NRXN1: variants seen among roughly 807,000 people sequenced by gnomAD.
NRXN1 encodes the protein neurexin-1.
Under a neutral mutation model 150.9 loss-of-function variants are expected in NRXN1, and 39 were observed. The ratio of observed to expected loss-of-function variants is 0.26; its 90% CI spans 0.20 to 0.34. NRXN1 has a LOEUF of 0.34. Ranked by LOEUF, NRXN1 falls within the 10% of genes least tolerant of loss-of-function variation. The probability of loss-of-function intolerance (pLI) is 1.00; values close to 1 mark genes in which losing one functional copy is unlikely to be tolerated. For missense variants in NRXN1, 1,815 were observed against 1,949.9 expected (o/e 0.93, Z 1.30); for synonymous variants, 924 against 757.0 (o/e 1.22, Z -3.62).
intron 5 of NRXN1, among the ~76,000 whole-genome samples, chr2:50,893,342 T>TAAATATATCCTACTTAAATGTTA (rs1252547750): frequency 6.6e-6 from 1 of 152,192 alleles, no homozygotes; most frequent in Non-Finnish European, 1.5e-5. Flanking sequence ...ATTTTGTAGT[T>TAAATATATCCTACTTAAATGTTA]AAATATATCC....
In NRXN1 at chr2:50,346,141, G is replaced by A. The variant is rs1281582762; in HGVS notation, c.3365-109171C>T. Among the ~76,000 whole-genome samples, 1 of 152,214 alleles carries A rather than the reference G, an allele frequency of 6.6e-6. No individual in the cohort carries two copies. The highest frequency in any genetic ancestry group is 1.5e-5 in the Non-Finnish European group (1 of 68,040). Reference sequence around the variant, plus strand: ...GAAGGCGTGGGGGCAAAAGTAATTGGCCTCCTGTTGAGTGAGTCCCAGGAC... The same window carrying A: ...GAAGGCGTGGGGGCAAAAGTAATTGACCTCCTGTTGAGTGAGTCCCAGGAC... On this transcript the variant is annotated intron_variant, in intron 17 of 22. Coordinates refer to ENST00000401669, the MANE Select transcript of NRXN1 (RefSeq NM_001330078.2). The surrounding 1 kb of genome is among the most constrained non-coding windows in gnomAD (Gnocchi z 5.0).
intron 17 of NRXN1, among the ~76,000 whole-genome samples, chr2:50,424,449 C>G (rs2084317994): frequency 6.6e-6 from 1 of 151,886 alleles, no homozygotes; most frequent in Non-Finnish European, 1.5e-5. Flanking sequence ...TTTATGAGGA[C>G]TGGGAGACAC....
intron 18 of NRXN1, among the ~76,000 whole-genome samples, chr2:50,204,614 G>A (rs13001872): frequency 0.14 from 20,526 of 151,926 alleles, 1,482 homozygotes; most frequent in East Asian, 0.18. Flanking sequence ...TGTGTGTTGT[G>A]TATAAACTTT....
intron 18 of NRXN1, among the ~76,000 whole-genome samples, chr2:50,152,388 A>G (rs932040594): frequency 2.6e-5 from 4 of 151,704 alleles, no homozygotes. Context: ...CTTTCCTTTT[A>G]AAGGCTGAAT....
chr2:50,332,751 C>T (rs911687378), intron 17 of NRXN1, among the ~76,000 whole-genome samples: 9 of 152,168 alleles, frequency 5.9e-5, no homozygotes, highest in Non-Finnish European at 1.2e-4. Context: ...CTTCTTGTCA[C>T]TGTTCATCTA....
intron 2 of NRXN1, among the ~76,000 whole-genome samples, chr2:50,938,729 G>C (rs183032177): frequency 6.6e-6 from 1 of 152,122 alleles, no homozygotes; most frequent in Admixed American, 6.6e-5. Context: ...CTGACACATA[G>C]CAAAAAGTCA....
rs141514693 is a variant in NRXN1 at position 50,982,748 on chromosome 2, T to C, written c.772+44754A>G. Among the ~76,000 whole-genome samples, 411 of 152,240 alleles carry C rather than the reference T, an allele frequency of 2.7e-3. 7 individuals carry two copies. The highest frequency in any genetic ancestry group is 0.017 in the Admixed American group (267 of 15,286). ...ATAAAAATAATAAGAAATGTCTCAATAGTTTGCATGTCTAGTTGATCATTT... is the reference window on the plus strand; with the variant it reads ...ATAAAAATAATAAGAAATGTCTCAACAGTTTGCATGTCTAGTTGATCATTT... On this transcript the variant is annotated intron_variant, in intron 2 of 22. Transcript: ENST00000401669.
intron 18 of NRXN1, among the ~76,000 whole-genome samples, chr2:50,209,967 T>C (rs2062894750): frequency 1.3e-5 from 2 of 152,022 alleles, no homozygotes; most frequent in South Asian, 4.1e-4. Flanking sequence ...AATGCTGTAT[T>C]AGTGATCTTA....
At chr2:50,489,896 AG>A (rs1348386798) in intron 15 of NRXN1, among the ~76,000 whole-genome samples, 1 of 152,198 alleles carries the variant, frequency 6.6e-6, no homozygotes, top group African/African-American at 2.4e-5. Flanking sequence ...CTGCATGGGA[AG>A]GGAATGTTTT....
chr2:50,833,913 T>G (rs1428070082), intron 5 of NRXN1, among the ~76,000 whole-genome samples: 1 of 152,188 alleles, frequency 6.6e-6, no homozygotes, highest in Non-Finnish European at 1.5e-5. Context: ...ATCTAAAAAT[T>G]CCACAGTAAT....
chr2:50,913,561 T>C (rs183782084), intron 5 of NRXN1, among the ~76,000 whole-genome samples: 3 of 151,958 alleles, frequency 2.0e-5, no homozygotes, highest in East Asian at 1.9e-4. Flanking sequence ...AGTAGTGTAA[T>C]TGTATAGTCT....
At chr2:50,996,368 G>A (rs1204944629) in intron 2 of NRXN1, among the ~76,000 whole-genome samples, 2 of 151,960 alleles carry the variant, frequency 1.3e-5, no homozygotes, top group African/African-American at 4.8e-5. Flanking sequence ...AGAAATGATG[G>A]GTTTACCTTC....
At chr2:50,134,526 T>C (rs562211078) in intron 18 of NRXN1, among the ~76,000 whole-genome samples, 48 of 152,250 alleles carry the variant, frequency 3.2e-4, no homozygotes, top group African/African-American at 1.1e-3. Flanking sequence ...AGATGTTTGA[T>C]ACAATTCAGG....
chr2:50,740,176 A>T (rs957723580), intron 5 of NRXN1, among the ~76,000 whole-genome samples: 4 of 152,258 alleles, frequency 2.6e-5, no homozygotes, highest in African/African-American at 9.6e-5. Flanking sequence ...TTTGGTGGAA[A>T]CTTATCCATT....
At chr2:50,475,515 T>G (rs1313367286) in intron 15 of NRXN1, among the ~76,000 whole-genome samples, 1 of 152,168 alleles carries the variant, frequency 6.6e-6, no homozygotes, top group African/African-American at 2.4e-5. Context: ...AAAAACTTAC[T>G]TGCCTGACAA....
intron 5 of NRXN1, among the ~76,000 whole-genome samples, chr2:50,772,440 A>G (rs928118905): frequency 1.3e-5 from 2 of 152,012 alleles, no homozygotes; most frequent in South Asian, 4.1e-4. Flanking sequence ...AAAATCAAAC[A>G]TAAAAGTAAA....
intron 13 of NRXN1, among the ~76,000 whole-genome samples, chr2:50,502,434 G>C (rs2091995071): frequency 7.1e-6 from 1 of 140,692 alleles, no homozygotes; most frequent in African/African-American, 2.5e-5. Flanking sequence ...CACCCACAAA[G>C]GGAATAAATA....
intron 19 of NRXN1, among the ~76,000 whole-genome samples, chr2:50,077,180 G>C (rs970818544): frequency 2.6e-5 from 4 of 152,066 alleles, no homozygotes; most frequent in African/African-American, 9.7e-5. Context: ...CCCATATAGA[G>C]TGCCCACTAC....
At chr2:49,963,664 G>A (rs181039228) in intron 21 of NRXN1, among the ~76,000 whole-genome samples, 6 of 152,260 alleles carry the variant, frequency 3.9e-5, no homozygotes, top group Non-Finnish European at 8.8e-5. Context: ...GAACAGAAAT[G>A]TGCCGTTAGA....
Sources: gnomAD v4.1 joint callset for allele counts (sites outside exome capture counted in the v4.1 genomes callset) on GRCh38, gnomAD v4.1.1 for gene constraint, Gnocchi (gnomAD v3.1) non-coding constraint, MANE v1.5 for transcripts, NCBI Gene and HGNC (gene_info 2026-07-23, HGNC 2026-07-21) for gene names.